RIMBP2: variants seen among roughly 807,000 people sequenced by gnomAD.
The protein encoded by RIMBP2 is RIMS-binding protein 2.
A neutral mutation model predicts 118.6 loss-of-function variants in RIMBP2; 48 were observed. The ratio of observed to expected loss-of-function variants is 0.40; its 90% confidence interval spans 0.32 to 0.51. The LOEUF (loss-of-function observed/expected upper bound fraction) is 0.51. RIMBP2 is among the 20% of genes least tolerant of loss of function. The pLI is 0.41. For synonymous variants in RIMBP2, 762 were observed against 742.9 expected (o/e 1.03, Z -0.42); for missense variants, 1,551 against 1,768.3 (o/e 0.88, Z 2.20).
chr12:130,557,936 C>T (rs775388678), intron 2 of RIMBP2, among the ~76,000 whole-genome samples: 2 of 152,046 alleles, frequency 1.3e-5, no homozygotes, highest in Admixed American at 1.3e-4. Context: ...CTGGCTCCTG[C>T]GACCCCGGTT....
intron 2 of RIMBP2, among the ~76,000 whole-genome samples, chr12:130,602,002 C>T (rs1039848465): frequency 3.3e-5 from 5 of 152,146 alleles, no homozygotes; most frequent in Non-Finnish European, 5.9e-5. Flanking sequence ...TTCTTTCTTT[C>T]TTTAAGAAAT....
At chr12:130,556,649 C>A (rs965126044) in intron 2 of RIMBP2, among the ~76,000 whole-genome samples, 4 of 152,190 alleles carry the variant, frequency 2.6e-5, no homozygotes, top group Non-Finnish European at 5.9e-5. Context: ...GCTGGAAACA[C>A]CCCACCAGGA....
intron 6 of RIMBP2, among the ~76,000 whole-genome samples, chr12:130,461,954 C>T (rs373376126): frequency 4.2e-4 from 7 of 16,686 alleles, no homozygotes; most frequent in African/African-American, 4.7e-4. Context: ...AGGGAATTTT[C>T]AATTCACCGG....
At chr12:130,626,311 T>A (rs557724582) in intron 2 of RIMBP2, among the ~76,000 whole-genome samples, 1 of 151,824 alleles carries the variant, frequency 6.6e-6, no homozygotes, top group South Asian at 2.1e-4. Flanking sequence ...ACCATCATTA[T>A]CACCACGACT....
At chr12:130,591,584 CG>C (rs370943214) in intron 2 of RIMBP2, among the ~76,000 whole-genome samples, 4 of 143,042 alleles carry the variant, frequency 2.8e-5, no homozygotes, top group East Asian at 2.4e-4. Context: ...CGGGGAGGGG[CG>C]GGGGGGCTCC....
chr12:130,604,824 C>T (rs1304389773), intron 2 of RIMBP2, among the ~76,000 whole-genome samples: 73 of 142,594 alleles, frequency 5.1e-4, no homozygotes, highest in African/African-American at 1.8e-3. Flanking sequence ...CCTCGTGACC[C>T]GCCCACCTCG....
At chr12:130,477,739 G>A (rs879645609) in intron 5 of RIMBP2, among the ~76,000 whole-genome samples, 1 of 152,168 alleles carries the variant, frequency 6.6e-6, no homozygotes, top group East Asian at 1.9e-4. Flanking sequence ...GATTCCTATC[G>A]CCCCCCAGGC....
chr12:130,566,180 C>CACACAT (rs2057205707), intron 2 of RIMBP2, among the ~76,000 whole-genome samples: 1 of 151,006 alleles, frequency 6.6e-6, no homozygotes, highest in African/African-American at 2.5e-5. Context: ...CACATGCACA[C>CACACAT]ACACACACAC....
rs1320128066 is a variant in RIMBP2 at position 130,431,090 on chromosome 12, T to C, written c.2254-2753A>G. Among the ~76,000 whole-genome samples, 4 of 152,214 alleles carry C rather than the reference T, an allele frequency of 2.6e-5. No individual in the cohort carries two copies. The highest frequency in any genetic ancestry group is 4.4e-5 in the Non-Finnish European group (3 of 68,040). On this transcript the variant is annotated intron_variant, in intron 14 of 22. Coordinates refer to ENST00000690449, the MANE Select transcript of RIMBP2 (RefSeq NM_001393629.1). This position sits in a 1 kb window ranked among gnomAD's most constrained non-coding sequence, Gnocchi z 4.0. Reference sequence around the variant, plus strand: ...TTTCTCATTGTGGACTTAATGAAAATGCTTTTGTAATATTGGGAGAATGGA... The same window carrying C: ...TTTCTCATTGTGGACTTAATGAAAACGCTTTTGTAATATTGGGAGAATGGA...
chr12:130,399,263 A>G (rs2074298659), intron 22 of RIMBP2: 4 of 605,082 alleles, frequency 6.6e-6, no homozygotes, highest in South Asian at 6.5e-5. Flanking sequence ...GATACTAAAC[A>G]TGAATGTAGT....
chr12:130,497,787 C>T (rs2049330660), intron 4 of RIMBP2, among the ~76,000 whole-genome samples: 2 of 152,226 alleles, frequency 1.3e-5, no homozygotes, highest in Non-Finnish European at 2.9e-5. Flanking sequence ...TCACTTCTGA[C>T]AGGCACCCTG....
chr12:130,584,148 G>T (rs548197686), intron 2 of RIMBP2, among the ~76,000 whole-genome samples: 1 of 134,274 alleles, frequency 7.4e-6, no homozygotes, highest in Non-Finnish European at 1.6e-5. Context: ...CATATGTAAC[G>T]GTGGTTACAT....
intron 1 of RIMBP2, among the ~76,000 whole-genome samples, chr12:130,673,472 A>G (rs10848182): frequency 0.98 from 149,425 of 152,302 alleles, 73,365 homozygotes; most frequent in East Asian, 1. Flanking sequence ...ATCAATCCCC[A>G]TGGCCCACCA....
Position 130,506,569 on chromosome 12 carries a change from C to T in RIMBP2, c.-4+79G>A, listed in dbSNP as rs901704058. ...AAAGGAGCTTTACATACCTTCTGCT[C>T]GGGGTCCTGCAGCCCCTCCTTCCTC... On this transcript the variant is annotated intron_variant, in intron 4 of 22. Transcript: ENST00000690449. The T allele has an allele frequency of 1.3e-5, 12 of 955,462 alleles. No homozygotes were observed. The Admixed American group carries it at 1.9e-4, about 15-fold the overall frequency. 59.2% of individuals were successfully genotyped at this position (955,462 alleles called of 1,614,324 possible). A position where few individuals can be genotyped will look rare whatever the true frequency, so the allele number is the denominator to read the frequency against.
intron 21 of RIMBP2, among the ~76,000 whole-genome samples, chr12:130,401,896 T>C (rs556637025): frequency 1.3e-5 from 2 of 152,230 alleles, no homozygotes; most frequent in Middle Eastern, 3.4e-3. Context: ...CACAATGTTA[T>C]GCACACATCT....
At chr12:130,673,668 G>C (rs2064302385) in intron 1 of RIMBP2, among the ~76,000 whole-genome samples, 1 of 152,224 alleles carries the variant, frequency 6.6e-6, no homozygotes, top group Non-Finnish European at 1.5e-5. Flanking sequence ...GTTTGGGTCT[G>C]TGTTCCTGCC....
Position 130,421,256 on chromosome 12 carries a change from C to T in RIMBP2, c.3238+1197G>A, listed in dbSNP as rs145186169. 4.2e-3 allele frequency among the ~76,000 whole-genome samples: 633 copies of T among 152,330 alleles called. 15 individuals are homozygous for T. The highest frequency in any genetic ancestry group is 0.037 in the Admixed American group (560 of 15,304). Reference sequence around the variant, plus strand: ...CGAAAGGAATCTGGGCTCCACTAACCCTGCTAGCTGATCTGTAATAAGTGC... The same window carrying T: ...CGAAAGGAATCTGGGCTCCACTAACTCTGCTAGCTGATCTGTAATAAGTGC... On this transcript the variant is annotated intron_variant, in intron 17 of 22. Transcript: ENST00000690449.
At chr12:130,491,944 G>A (rs1477594167) in intron 4 of RIMBP2, among the ~76,000 whole-genome samples, 1 of 152,224 alleles carries the variant, frequency 6.6e-6, no homozygotes, top group Non-Finnish European at 1.5e-5. Flanking sequence ...CGCTATCCCA[G>A]GGAAAAGCTC....
At position 130,437,076 on chromosome 12, in the gene RIMBP2, G is replaced by A. The variant is rs1386591976; in HGVS notation, c.1872C>T (p.Val624=). Residue 624 remains valine (V), a synonymous_variant, in exon 13 of 23, where the codon GTC becomes GTT. Coordinates refer to ENST00000690449, the MANE Select transcript of RIMBP2 (RefSeq NM_001393629.1). The part of the protein sequence containing the change: ...PQSKPLASSG[V]PETKDEHLGP... ...CCAGGTGCTCGTCTTTGGTTTCGGG[G>A]ACTCCAGAACTTGCTAATGGCTTTG... The A allele has an allele frequency of 1.3e-6, 2 of 1,574,402 alleles. No individual in the cohort carries two copies. The highest frequency in any genetic ancestry group is 1.7e-6 in the Non-Finnish European group (2 of 1,157,682).
Sources: gnomAD v4.1 joint callset for allele counts (sites outside exome capture counted in the v4.1 genomes callset) on GRCh38, gnomAD v4.1.1 for gene constraint, Gnocchi (gnomAD v3.1) non-coding constraint, MANE v1.5 for transcripts, NCBI Gene and HGNC (gene_info 2026-07-23, HGNC 2026-07-21) for gene names.